ASCC3: variants seen among roughly 807,000 people sequenced by gnomAD.
The protein encoded by ASCC3 is ASC-1 complex subunit P200.
Under a neutral mutation model 256.3 loss-of-function variants are expected in ASCC3, and 158 were observed. The ratio of observed to expected loss-of-function variants is 0.62; its 90% CI spans 0.54 to 0.70. The LOEUF is 0.70. ASCC3 is among the 30% of genes least tolerant of loss of function. The pLI, the probability that ASCC3 is intolerant of heterozygous loss-of-function variation, is 0.00. For missense variants in ASCC3, 2,259 were observed against 2,626.0 expected (o/e 0.86, Z 3.05); for synonymous variants, 948 against 883.4 (o/e 1.07, Z -1.30).
intron 33 of ASCC3, among the ~76,000 whole-genome samples, chr6:100,603,458 T>G (rs1356092539): frequency 6.6e-6 from 1 of 152,140 alleles, no homozygotes; most frequent in East Asian, 1.9e-4. Flanking sequence ...GTTACCTTAC[T>G]GCAGTGGTTT....
chr6:100,516,570 C>G lies in ASCC3; in HGVS notation c.5928-243G>C, dbSNP rs561085972. ...GAAGTCAGTAAATACTTAGGGTTCA[C>G]AGACATTGGGTGTCTTTCCACAGGA... On this transcript the variant is annotated intron_variant, in intron 38 of 41. Transcript: ENST00000369162. Among the ~76,000 whole-genome samples the G allele has an allele frequency of 4.7e-4, 72 of 152,262 alleles. 1 individual carries two copies. Among genetic ancestry groups the G allele is most frequent in the Admixed American group, 2.0e-3 (30 of 15,278 alleles).
At chr6:100,631,234 A>G in intron 25 of ASCC3, 21 bp from the exon 26 acceptor site, 1 of 1,550,470 alleles carries the variant, frequency 6.4e-7, no homozygotes, top group Non-Finnish European at 8.9e-7. Flanking sequence ...GAGAATAGCC[A>G]AAAATACTCT....
intron 1 of ASCC3, among the ~76,000 whole-genome samples, chr6:100,880,778 C>A (rs534680043): frequency 6.6e-6 from 1 of 152,318 alleles, no homozygotes; most frequent in South Asian, 2.1e-4. Context: ...ACAGAAAAAC[C>A]TCATCTGGTC....
chr6:100,852,493 C>A (rs1266579328), intron 3 of ASCC3, among the ~76,000 whole-genome samples: 4 of 152,134 alleles, frequency 2.6e-5, no homozygotes, highest in Non-Finnish European at 5.9e-5. Flanking sequence ...TTGTTCACTT[C>A]CCTTTATATT....
At chr6:100,853,420 C>CTTTTTTTTTTTTTTTTTTTT (rs11299576) in intron 3 of ASCC3, among the ~76,000 whole-genome samples, 1 of 127,668 alleles carries the variant, frequency 7.8e-6, no homozygotes. Flanking sequence ...ATAAATATTC[C>CTTTTTTTTTTTTTTTTTTTT]TTTTTTTTTT....
At chr6:100,699,588 C>G (rs1418300700) in intron 13 of ASCC3, among the ~76,000 whole-genome samples, 1 of 152,102 alleles carries the variant, frequency 6.6e-6, no homozygotes, top group South Asian at 2.1e-4. Flanking sequence ...GACTTTGGAA[C>G]TGGGTAGCAG....
At chr6:100,742,863 T>C (rs1481637639) in intron 10 of ASCC3, among the ~76,000 whole-genome samples, 1 of 152,222 alleles carries the variant, frequency 6.6e-6, no homozygotes, top group East Asian at 1.9e-4. Flanking sequence ...GATCTTATCT[T>C]GTCAGGTGTG....
Position 100,800,417 on chromosome 6 carries a change from A to G in ASCC3, c.1010T>C (p.Met337Thr), listed in dbSNP as rs888398750. Residue 337 changes from methionine (M) to threonine (T), a missense_variant, in exon 6 of 42, where the codon ATG (methionine) becomes ACG (threonine). This residue lies in a region of ASCC3 where 420 missense variants were observed against 419.3 expected (regional missense o/e 1.00). Transcript: ENST00000369162. ...TTTTTCTTCACGTCGATATTGTTTC[A>G]TTAACTGCTTTTCTTGTTCAGACTG... ...TIQSEQEKQL[M>T]KQYRREEKRI... 1.2e-6 allele frequency: 2 copies of G among 1,612,620 alleles called. No individual in the cohort carries two copies. The highest frequency in any genetic ancestry group is 1.7e-6 in the Non-Finnish European group (2 of 1,179,228).
At chr6:100,585,067 C>T (rs1007892804) in intron 36 of ASCC3, among the ~76,000 whole-genome samples, 1 of 152,160 alleles carries the variant, frequency 6.6e-6, no homozygotes, top group Admixed American at 6.5e-5. Flanking sequence ...CTTGGAGTTG[C>T]TCTTCTCGAG....
chr6:100,859,170 C>G, intron 3 of ASCC3: 1 of 780,090 alleles, frequency 1.3e-6, no homozygotes, highest in Non-Finnish European at 2.4e-6. Flanking sequence ...TCTTTTCCAT[C>G]CAGCCTCCTC....
At chr6:100,615,164 TG>T (rs1468778193) in intron 30 of ASCC3, among the ~76,000 whole-genome samples, 1 of 152,054 alleles carries the variant, frequency 6.6e-6, no homozygotes, top group African/African-American at 2.4e-5. Context: ...TACAGGTGCG[TG>T]CCACCACACC....
At chr6:100,868,973 G>A (rs542566258) in intron 1 of ASCC3, among the ~76,000 whole-genome samples, 24 of 152,350 alleles carry the variant, frequency 1.6e-4, no homozygotes, top group African/African-American at 5.8e-4. Context: ...TTGGAGGACT[G>A]TACTAGTTTA....
chr6:100,793,884 C>A (rs1034744336), intron 8 of ASCC3, among the ~76,000 whole-genome samples: 1 of 151,916 alleles, frequency 6.6e-6, no homozygotes, highest in Non-Finnish European at 1.5e-5. Flanking sequence ...GCTGAACATG[C>A]ACAAAAGTTT....
intron 37 of ASCC3, chr6:100,531,141 G>A: frequency 1.2e-6 from 1 of 813,720 alleles, no homozygotes; most frequent in Non-Finnish European, 2.0e-6. Flanking sequence ...CTGAACTAAA[G>A]ATCAATTCTC....
chr6:100,623,779 G>A (rs79735310), intron 30 of ASCC3, among the ~76,000 whole-genome samples: 83 of 152,004 alleles, frequency 5.5e-4, no homozygotes, highest in African/African-American at 1.9e-3. Flanking sequence ...GAGAGGAGGA[G>A]GAATATCTAT....
intron 23 of ASCC3, 50 bp from the exon 24 acceptor site, chr6:100,642,799 A>C (rs1391384124): frequency 1.4e-6 from 2 of 1,462,376 alleles, no homozygotes; most frequent in Non-Finnish European, 1.9e-6. Flanking sequence ...AATAGCATAA[A>C]GGCCTTATTA....
At chr6:100,746,152 T>A (rs1780660402) in intron 10 of ASCC3, among the ~76,000 whole-genome samples, 3 of 49,896 alleles carry the variant, frequency 6.0e-5, no homozygotes, top group African/African-American at 1.1e-4. Flanking sequence ...ACAGAACAAT[T>A]TTTAAAATAA....
In ASCC3 at chr6:100,625,549, G is replaced by T. The variant is rs1057034419; in HGVS notation, c.4643-215C>A. On this transcript the variant is annotated intron_variant, in intron 29 of 41. Transcript: ENST00000369162. ...CCCTACCTAGAGAGTATATTGCCTA[G>T]GAGAGAAAAGATTTAATTATGCTGG... Among the ~76,000 whole-genome samples the T allele has an allele frequency of 3.2e-4, 48 of 152,012 alleles. 2 individuals are homozygous for T. The highest frequency in any genetic ancestry group is 2.8e-3 in the Admixed American group (43 of 15,218).
chr6:100,824,241 TAC>T (rs1771188523), intron 4 of ASCC3, among the ~76,000 whole-genome samples: 1 of 152,212 alleles, frequency 6.6e-6, no homozygotes, highest in South Asian at 2.1e-4. Flanking sequence ...CTTCTCTGAC[TAC>T]AGTGTTTAAG....
Sources: allele counts gnomAD v4.1 joint callset (sites outside exome capture counted in the v4.1 genomes callset), GRCh38; gene constraint gnomAD v4.1.1; regional missense constraint gnomAD v4.1.1; transcripts MANE v1.5; gene names NCBI Gene and HGNC (gene_info 2026-07-23, HGNC 2026-07-21).